Variants in MYO1D observed in about 807,000 individuals in gnomAD.
MYO1D encodes the protein unconventional myosin-Id.
Under a neutral mutation model 122.0 loss-of-function variants are expected in MYO1D, and 83 were observed. That is an observed-to-expected ratio of 0.68 (90% confidence interval 0.57 to 0.82). The LOEUF is 0.82. Among genes scored for constraint, MYO1D ranks in the 40% least tolerant of loss-of-function variants. The probability of loss-of-function intolerance (pLI) is 0.00; values close to 1 mark genes in which losing one functional copy is unlikely to be tolerated. For synonymous variants in MYO1D, 464 were observed against 446.9 expected, an observed-to-expected ratio of 1.04 and a Z score of -0.48; for missense variants, 1,157 against 1,269.5, an observed-to-expected ratio of 0.91 and a Z score of 1.35.
At chr17:32,506,132 A>C (rs1909494942) in intron 21 of MYO1D, among the ~76,000 whole-genome samples, 1 of 152,274 alleles carries the variant, frequency 6.6e-6, no homozygotes, top group Non-Finnish European at 1.5e-5. Context: ...GCTGTCTTGT[A>C]AAGAATTGCT....
At chr17:32,662,586 T>A (rs1196129072) in intron 16 of MYO1D, among the ~76,000 whole-genome samples, 1 of 151,834 alleles carries the variant, frequency 6.6e-6, no homozygotes, top group Non-Finnish European at 1.5e-5. Flanking sequence ...GGCAGGAGAA[T>A]CGCCTGAACC....
intron 21 of MYO1D, among the ~76,000 whole-genome samples, chr17:32,589,068 A>G (rs940023288): frequency 1.3e-5 from 2 of 152,362 alleles, no homozygotes; most frequent in Admixed American, 6.5e-5. Context: ...CCAAGTGTAC[A>G]GTACAACAGT....
At chr17:32,808,001 T>TG (rs1238090891) in intron 1 of MYO1D, among the ~76,000 whole-genome samples, 1 of 152,238 alleles carries the variant, frequency 6.6e-6, no homozygotes, top group Admixed American at 6.5e-5. Flanking sequence ...TGGTTGCTAT[T>TG]GTTACTATAA....
chr17:32,507,768 T>C (rs1909548683), intron 21 of MYO1D, among the ~76,000 whole-genome samples: 1 of 152,112 alleles, frequency 6.6e-6, no homozygotes, highest in African/African-American at 2.4e-5. Context: ...AGGGCCTTGA[T>C]CTGACAGAAA....
chr17:32,624,564 C>T (rs1421233069), intron 20 of MYO1D, among the ~76,000 whole-genome samples: 1 of 152,064 alleles, frequency 6.6e-6, no homozygotes, highest in Non-Finnish European at 1.5e-5. Context: ...AAATAAAAAT[C>T]AGATCTTCTA....
At chr17:32,772,643 T>C (rs995083676) in intron 5 of MYO1D, 146 bp downstream of exon 5, 5 of 620,530 alleles carry the variant, frequency 8.1e-6, no homozygotes, top group African/African-American at 1.8e-5. Context: ...GGGCATGTGG[T>C]GCGTGCGTGC....
chr17:32,873,019 ATGGTAGGAGAAAG>A (rs1306159014), intron 1 of MYO1D, among the ~76,000 whole-genome samples: 2 of 152,240 alleles, frequency 1.3e-5, no homozygotes, highest in African/African-American at 4.8e-5. Context: ...AAAAGTAAAA[ATGGTAGGAGAAAG>A]TTGCATCAAT....
At chr17:32,534,173 T>G (rs926278700) in intron 21 of MYO1D, among the ~76,000 whole-genome samples, 1 of 152,194 alleles carries the variant, frequency 6.6e-6, no homozygotes, top group African/African-American at 2.4e-5. Flanking sequence ...TTAAAATTAA[T>G]TAATTAATTT....
chr17:32,839,755 C>T lies in MYO1D; in HGVS notation c.95+37023G>A, dbSNP rs142528203. Among the ~76,000 whole-genome samples the T allele has an allele frequency of 3.7e-4, 56 of 152,214 alleles. No homozygotes were observed. In the East Asian group the frequency reaches 8.1e-3, roughly 22 times the overall value. On this transcript the variant is annotated intron_variant, in intron 1 of 21. Coordinates refer to ENST00000318217, the MANE Select transcript of MYO1D (RefSeq NM_015194.3). ...TCATATTTTTAGGCCTGTATTTACT[C>T]TCAGGATTTTTAATGCATTTTTTCC...
At chr17:32,832,457 G>A (rs368612889) in intron 1 of MYO1D, among the ~76,000 whole-genome samples, 1 of 151,822 alleles carries the variant, frequency 6.6e-6, no homozygotes, top group African/African-American at 2.4e-5. Flanking sequence ...CCGCCACCAC[G>A]CCCAGCTAAT....
rs527324944 is a variant in MYO1D, at chr17:32,699,527, T to C, written c.2121+12461A>G. ...TCCCTAACCATCTGTGAAAAGATAG[T>C]TTCCAGTCAACTGGGAACAATGAAC... On this transcript the variant is annotated intron_variant, in intron 16 of 21. Transcript: ENST00000318217. 1.2e-4 allele frequency among the ~76,000 whole-genome samples: 18 copies of C among 152,318 alleles called. No homozygotes were observed. In the East Asian group the frequency reaches 2.5e-3, roughly 21 times the overall value.
chr17:32,535,556 G>A (rs1006990063), intron 21 of MYO1D, among the ~76,000 whole-genome samples: 1 of 152,276 alleles, frequency 6.6e-6, no homozygotes, highest in South Asian at 2.1e-4. Flanking sequence ...GACCAGCCTG[G>A]CCAACATGGT....
chr17:32,643,778 A>AT (rs2088242552), intron 19 of MYO1D, among the ~76,000 whole-genome samples: 4 of 151,198 alleles, frequency 2.6e-5, no homozygotes, highest in Middle Eastern at 3.4e-3. Context: ...CCCCTTTATC[A>AT]TTTTTTATTG....
chr17:32,709,368 AC>A (rs2089347086), intron 16 of MYO1D, among the ~76,000 whole-genome samples: 1 of 152,162 alleles, frequency 6.6e-6, no homozygotes, highest in South Asian at 2.1e-4. Context: ...AGACATAGTA[AC>A]AGATCTGGGG....
chr17:32,729,693 C>G (rs1319178111), intron 14 of MYO1D, among the ~76,000 whole-genome samples: 1 of 152,176 alleles, frequency 6.6e-6, no homozygotes, highest in Admixed American at 6.5e-5. Flanking sequence ...ATGGAAAAGA[C>G]AGTCATAAGG....
At chr17:32,516,810 G>T (rs1291043889) in intron 21 of MYO1D, among the ~76,000 whole-genome samples, 1 of 152,200 alleles carries the variant, frequency 6.6e-6, no homozygotes, top group African/African-American at 2.4e-5. Context: ...AGAGCAGAAT[G>T]GATCTGCTGC....
intron 16 of MYO1D, among the ~76,000 whole-genome samples, chr17:32,675,927 T>C (rs1046484017): frequency 5.3e-5 from 8 of 152,222 alleles, no homozygotes; most frequent in Admixed American, 6.5e-5. Context: ...TTTTACTTGA[T>C]ATATCAGAAA....
At chr17:32,694,226 A>C (rs2089141849) in intron 16 of MYO1D, among the ~76,000 whole-genome samples, 1 of 152,200 alleles carries the variant, frequency 6.6e-6, no homozygotes, top group African/African-American at 2.4e-5. Context: ...CAAATGTTCA[A>C]AACACTTTTA....
chr17:32,804,823 A>G (rs1018961851), intron 1 of MYO1D, among the ~76,000 whole-genome samples: 14 of 152,188 alleles, frequency 9.2e-5, no homozygotes, highest in Admixed American at 2.6e-4. Context: ...GGCAGCCAAG[A>G]GCAAGATTAG....
Sources: allele counts gnomAD v4.1 joint callset (sites outside exome capture counted in the v4.1 genomes callset), GRCh38; gene constraint gnomAD v4.1.1; transcripts MANE v1.5; gene names NCBI Gene and HGNC (gene_info 2026-07-23, HGNC 2026-07-21).